SLC5A9: variants seen among roughly 807,000 people sequenced by gnomAD.
The protein encoded by SLC5A9 is sodium/glucose cotransporter 4.
SLC5A9 carries 59 observed loss-of-function variants against 70.9 expected under a neutral mutation model. The observed-to-expected ratio is 0.83, with a 90% confidence interval of 0.68 to 1.03. The LOEUF (loss-of-function observed/expected upper bound fraction) is 1.03, where lower values mean the gene tolerates loss of function less well. SLC5A9 is among the 50% of genes least tolerant of loss of function. The probability of loss-of-function intolerance (pLI) is 0.00; values close to 1 mark genes in which losing one functional copy is unlikely to be tolerated. For synonymous variants in SLC5A9, 340 were observed against 346.5 expected (o/e 0.98, Z 0.21); for missense variants, 832 against 881.1 (o/e 0.94, Z 0.71).
chr1:48,245,736 G>A (rs1421477779), intron 13 of SLC5A9, among the ~76,000 whole-genome samples: 1 of 152,138 alleles, frequency 6.6e-6, no homozygotes, highest in Non-Finnish European at 1.5e-5. Context: ...CCAAGACAGG[G>A]GGATTGCTTG....
chr1:48,230,032 C>T (rs1426230601), intron 4 of SLC5A9, among the ~76,000 whole-genome samples: 1 of 152,236 alleles, frequency 6.6e-6, no homozygotes, highest in Non-Finnish European at 1.5e-5. Flanking sequence ...GGCTGAAAAA[C>T]ACTTTAAGGC....
At chr1:48,247,206 A>G in intron 13 of SLC5A9, 129 bp from the exon 14 acceptor site, 2 of 805,330 alleles carry the variant, frequency 2.5e-6, no homozygotes, top group Non-Finnish European at 4.0e-6. Context: ...GTTTCTGTGC[A>G]CCCCCCATAC....
chr1:48,231,688 C>CAG, intron 6 of SLC5A9, 63 bp downstream of exon 6: 1 of 1,589,386 alleles, frequency 6.3e-7, no homozygotes, highest in South Asian at 1.1e-5. Context: ...CCTGTCTCTG[C>CAG]CACCTCCACA....
chr1:48,231,853 C>T, intron 6 of SLC5A9, 93 bp from the exon 7 acceptor site: 2 of 1,579,396 alleles, frequency 1.3e-6, no homozygotes, highest in East Asian at 2.3e-5. Flanking sequence ...ATGCCAGTTC[C>T]AACCTGAGGG....
chr1:48,229,083 A>G (rs748885808), intron 3 of SLC5A9, 129 bp downstream of exon 3: 25 of 1,613,954 alleles, frequency 1.5e-5, no homozygotes, highest in Non-Finnish European at 2.0e-5. Flanking sequence ...CCATTTCACA[A>G]TTGAGAATCC....
At chr1:48,233,821 A>C (rs1230127845) in intron 9 of SLC5A9, 59 bp downstream of exon 9, 380 of 1,222,142 alleles carry the variant, frequency 3.1e-4, no homozygotes, top group Middle Eastern at 6.1e-4. Flanking sequence ...TCCAATCTCC[A>C]CTGCCCAGGA....
At chr1:48,223,777 G>A (rs1644104625) in intron 1 of SLC5A9, among the ~76,000 whole-genome samples, 1 of 152,156 alleles carries the variant, frequency 6.6e-6, no homozygotes, top group South Asian at 2.1e-4. Context: ...GTGCTGGTGT[G>A]AGGAAGAATT....
At chr1:48,229,701 A>T (rs957642301) in intron 4 of SLC5A9, 8 of 553,044 alleles carry the variant, frequency 1.4e-5, no homozygotes, top group East Asian at 3.1e-5. Context: ...TCCAGAGTTC[A>T]TTCATTTATT....
intron 13 of SLC5A9, among the ~76,000 whole-genome samples, chr1:48,244,878 G>GTGTGTGTATATATATATATATATA (rs1391896495): frequency 7.5e-4 from 22 of 29,402 alleles, no homozygotes; most frequent in East Asian, 1.6e-3. Context: ...ATGTGTATGT[G>GTGTGTGTATATATATATATATATA]TATATATATA....
intron 1 of SLC5A9, among the ~76,000 whole-genome samples, chr1:48,224,388 T>A (rs934305160): frequency 3.9e-5 from 6 of 152,102 alleles, no homozygotes; most frequent in Non-Finnish European, 8.8e-5. Context: ...AAGGAGGTGA[T>A]AACAAATCAT....
chr1:48,231,588 G>A lies in SLC5A9; in HGVS notation c.654G>A (p.Val218=). The part of the protein sequence containing the change: ...AVIYTDALQT[V]IMVGGALVLM... ...TCTACACAGATGCTCTGCAGACGGT[G>A]ATCATGGTAGGGGGAGCCCTGGTCC... is the stretch of plus-strand genomic sequence containing the variant. Residue 218 remains valine (V), a synonymous_variant, in exon 6 of 14, where the codon GTG becomes GTA. Coordinates refer to ENST00000438567, the MANE Select transcript of SLC5A9 (RefSeq NM_001011547.3). The A allele has an allele frequency of 6.2e-7, 1 of 1,614,174 alleles. No homozygotes were observed.
intron 3 of SLC5A9, 83 bp downstream of exon 3, chr1:48,229,037 AGAGATGCCTGG>A: frequency 6.2e-7 from 1 of 1,613,820 alleles, no homozygotes; most frequent in Non-Finnish European, 8.5e-7. Context: ...GAGGATCCTT[AGAGATGCCTGG>A]GAGGCTACAT....
chr1:48,226,512 C>G (rs1050626473), intron 2 of SLC5A9, among the ~76,000 whole-genome samples: 1 of 152,242 alleles, frequency 6.6e-6, no homozygotes, highest in African/African-American at 2.4e-5. Flanking sequence ...GTGCCTCCTG[C>G]ACCTGAGACC....
In SLC5A9 at chr1:48,229,118, T is replaced by A. The variant is rs1366362446; in HGVS notation, c.339+164T>A. Reference sequence around the variant, plus strand: ...CATTTCACAGATGAGGAAATCAAGGTCTGGAGGAGACAGAGGGATCCATCC... The same window carrying A: ...CATTTCACAGATGAGGAAATCAAGGACTGGAGGAGACAGAGGGATCCATCC... On this transcript the variant is annotated intron_variant, in intron 3 of 13. Coordinates refer to ENST00000438567, the MANE Select transcript of SLC5A9 (RefSeq NM_001011547.3). 2.5e-6 allele frequency: 4 copies of A among 1,613,898 alleles called. No individual in the cohort carries two copies. Among genetic ancestry groups the A allele is most frequent in the Non-Finnish European group, 3.4e-6 (4 of 1,179,920 alleles).
chr1:48,234,309 A>G (rs917195590), intron 9 of SLC5A9, among the ~76,000 whole-genome samples: 1 of 152,140 alleles, frequency 6.6e-6, no homozygotes, highest in Non-Finnish European at 1.5e-5. Flanking sequence ...AAGGAAGACA[A>G]CCTTCCTGGT....
Position 48,222,858 on chromosome 1 carries a change from T to C in SLC5A9, c.122T>C (p.Val41Ala). Residue 41 changes from valine (V) to alanine (A), a missense_variant, in exon 1 of 14, where the codon GTG becomes GCG. Coordinates refer to ENST00000438567, the MANE Select transcript of SLC5A9 (RefSeq NM_001011547.3). ...CTGCACGCCTACGACATCAGCGTGG[T>C]GGTCATCTACTTTGTCTTCGTCATT... ...VGLHAYDISV[V>A]VIYFVFVIAV... is the part of the protein sequence containing the mutation. The C allele has an allele frequency of 6.2e-7, 1 of 1,614,068 alleles. No homozygotes were observed. Among genetic ancestry groups the C allele is most frequent in the Non-Finnish European group, 8.5e-7 (1 of 1,180,012 alleles).
intron 9 of SLC5A9, 90 bp downstream of exon 9, chr1:48,233,852 G>A (rs1232083858): frequency 3.4e-6 from 3 of 887,832 alleles, no homozygotes; most frequent in Non-Finnish European, 3.7e-6. Flanking sequence ...TAACATGGAT[G>A]GGAAGAGGGA....
Position 48,228,964 on chromosome 1 carries a change from C to T in SLC5A9, c.339+10C>T, listed in dbSNP as rs1361491551. On this transcript the variant is annotated intron_variant, in intron 3 of 13. Transcript: ENST00000438567. ...TGGCTTCGAGTGGAACGTAAGGAAG[C>T]TGGCCTGGTTTCTCCAGAATACTGA... 1 of 1,613,232 alleles carries T rather than the reference C, an allele frequency of 6.2e-7. No individual in the cohort carries two copies. Among genetic ancestry groups the T allele is most frequent in the South Asian group, 1.1e-5 (1 of 91,088 alleles).
intron 2 of SLC5A9, among the ~76,000 whole-genome samples, 163 bp downstream of exon 2, chr1:48,224,958 C>G (rs756735832): frequency 6.6e-6 from 1 of 152,100 alleles, no homozygotes; most frequent in Non-Finnish European, 1.5e-5. Flanking sequence ...AAACCCGCCC[C>G]GCAACCTGAG....
Sources: allele counts gnomAD v4.1 joint callset (sites outside exome capture counted in the v4.1 genomes callset), GRCh38; gene constraint gnomAD v4.1.1; transcripts MANE v1.5; gene names NCBI Gene and HGNC (gene_info 2026-07-23, HGNC 2026-07-21).